SAMD12: variants seen among roughly 807,000 people sequenced by gnomAD.
SAMD12 encodes sterile alpha motif domain-containing protein 12.
In SAMD12, 9 loss-of-function variants were observed where a neutral mutation model predicts 15.0. The observed-to-expected ratio is 0.60, with a 90% CI of 0.36 to 1.05. The LOEUF is 1.05. Ranked by LOEUF, SAMD12 falls within the 50% of genes least tolerant of loss-of-function variation. SAMD12 has a pLI of 0.01. For synonymous variants in SAMD12, 86 were observed against 90.1 expected (o/e 0.96, Z 0.25); for missense variants, 230 against 234.2 (o/e 0.98, Z 0.12).
Position 118,358,643 on chromosome 8 carries a change from C to T in SAMD12, c.433+20917G>A, listed in dbSNP as rs560050070. ...AATTATACTTTTTTTTGTTTCTTTA[C>T]TGTAGTTTTAGCACTATCCCCTGCA... On this transcript the variant is annotated intron_variant, in intron 4 of 4. Transcript: ENST00000409003. Among the ~76,000 whole-genome samples the T allele has an allele frequency of 4.5e-4, 68 of 152,144 alleles. No individual in the cohort carries two copies. In the Middle Eastern group the frequency reaches 0.014, roughly 30 times the overall value.
chr8:118,238,248 G>T (rs1408330282), intron 4 of SAMD12, among the ~76,000 whole-genome samples: 3 of 152,060 alleles, frequency 2.0e-5, no homozygotes, highest in African/African-American at 7.2e-5. Flanking sequence ...GCATAAGTAA[G>T]GGATTATACA....
chr8:118,453,489 C>A (rs1034586214), intron 2 of SAMD12, among the ~76,000 whole-genome samples: 3 of 152,052 alleles, frequency 2.0e-5, no homozygotes, highest in Admixed American at 1.3e-4. Context: ...ATATTCGGAG[C>A]AAATATTCTT....
At chr8:118,430,047 T>C (rs974732323) in intron 3 of SAMD12, among the ~76,000 whole-genome samples, 13 of 152,222 alleles carry the variant, frequency 8.5e-5, no homozygotes, top group African/African-American at 3.1e-4. Flanking sequence ...ATTTCTACTT[T>C]TCTGGTAAGT....
intron 4 of SAMD12, among the ~76,000 whole-genome samples, chr8:118,233,249 T>C (rs1337642912): frequency 1.3e-5 from 2 of 152,166 alleles, no homozygotes; most frequent in East Asian, 3.9e-4. Flanking sequence ...CTATTGGAAA[T>C]TATATTTCTA....
At chr8:118,554,032 A>C (rs1826439597) in intron 2 of SAMD12, among the ~76,000 whole-genome samples, 1 of 152,116 alleles carries the variant, frequency 6.6e-6, no homozygotes, top group Non-Finnish European at 1.5e-5. Context: ...GTCAGGAAAC[A>C]ACAGGTGCTG....
chr8:118,134,216 T>C, the SAMD12 span, among the ~76,000 whole-genome samples: 2 of 152,236 alleles, frequency 1.3e-5, no homozygotes, highest in Non-Finnish European at 2.9e-5. Context: ...TATAATTTTC[T>C]TCAACAACCG....
At chr8:118,501,355 A>C (rs750938563) in intron 2 of SAMD12, among the ~76,000 whole-genome samples, 67 of 152,238 alleles carry the variant, frequency 4.4e-4, no homozygotes, top group Non-Finnish European at 1.5e-4. Flanking sequence ...TCTGTGATGT[A>C]ATACATATGT....
At chr8:118,177,090 G>T in the SAMD12 span, among the ~76,000 whole-genome samples, 1 of 152,188 alleles carries the variant, frequency 6.6e-6, no homozygotes, top group African/African-American at 2.4e-5. Flanking sequence ...TGCGTTTCGG[G>T]TATCACAAAA....
chr8:118,162,613 G>C, the SAMD12 span, among the ~76,000 whole-genome samples: 1 of 152,138 alleles, frequency 6.6e-6, no homozygotes, highest in Admixed American at 6.5e-5. Context: ...GATTTCTCAA[G>C]AGGCATGGGC....
At chr8:118,605,195 A>G (rs1362616143) in intron 1 of SAMD12, among the ~76,000 whole-genome samples, 1 of 152,220 alleles carries the variant, frequency 6.6e-6, no homozygotes, top group Admixed American at 6.5e-5. Flanking sequence ...GGGACAGAAC[A>G]GAAAGGGATG....
chr8:118,611,675 A>G (rs892095975), intron 1 of SAMD12, among the ~76,000 whole-genome samples: 2 of 152,228 alleles, frequency 1.3e-5, no homozygotes, highest in Non-Finnish European at 2.9e-5. Context: ...ACACAAAAAC[A>G]AAACCCTCAA....
chr8:118,392,583 T>A (rs1218247352), intron 3 of SAMD12, among the ~76,000 whole-genome samples: 1 of 152,224 alleles, frequency 6.6e-6, no homozygotes, highest in Non-Finnish European at 1.5e-5. Context: ...AAGGGTGGGA[T>A]CCTGATGGTG....
intron 4 of SAMD12, among the ~76,000 whole-genome samples, chr8:118,285,847 T>A (rs1813956769): frequency 6.6e-6 from 1 of 152,194 alleles, no homozygotes; most frequent in African/African-American, 2.4e-5. Flanking sequence ...AGTCTGACCC[T>A]GTGAGAACCT....
chr8:118,533,481 T>A (rs1300047810), intron 2 of SAMD12, among the ~76,000 whole-genome samples: 2 of 152,194 alleles, frequency 1.3e-5, no homozygotes, highest in Admixed American at 1.3e-4. Flanking sequence ...CTGAGTTCAG[T>A]TCCTGGACAT....
At chr8:118,257,161 C>G (rs1229292540) in intron 4 of SAMD12, among the ~76,000 whole-genome samples, 1 of 152,000 alleles carries the variant, frequency 6.6e-6, no homozygotes, top group East Asian at 1.9e-4. Flanking sequence ...AGCTAAATAC[C>G]CACCATGTTC....
At chr8:118,432,129 G>T (rs7838464) in intron 3 of SAMD12, among the ~76,000 whole-genome samples, 1 of 151,808 alleles carries the variant, frequency 6.6e-6, no homozygotes, top group Non-Finnish European at 1.5e-5. Flanking sequence ...TGTTACATTA[G>T]TCATCTGTTC....
the SAMD12 span, among the ~76,000 whole-genome samples, chr8:118,133,903 T>C: frequency 6.6e-6 from 1 of 152,218 alleles, no homozygotes; most frequent in Non-Finnish European, 1.5e-5. Context: ...TTAATGTAAT[T>C]AATACTATAG....
chr8:118,510,163 A>G (rs113364963), intron 2 of SAMD12, among the ~76,000 whole-genome samples: 3,585 of 152,192 alleles, frequency 0.024, 114 homozygotes, highest in African/African-American at 0.076. Flanking sequence ...AGTTGTTCTC[A>G]AATTTACATT....
chr8:118,278,181 A>G (rs1173481344), intron 4 of SAMD12, among the ~76,000 whole-genome samples: 1 of 152,232 alleles, frequency 6.6e-6, no homozygotes, highest in Non-Finnish European at 1.5e-5. Context: ...CTGTGAGAGT[A>G]ATTAAGTCTT....
Sources: allele counts gnomAD v4.1 joint callset (sites outside exome capture counted in the v4.1 genomes callset), GRCh38; gene constraint gnomAD v4.1.1; transcripts MANE v1.5; gene names NCBI Gene and HGNC (gene_info 2026-07-23, HGNC 2026-07-21).